SH3RF2: variants seen among roughly 807,000 people sequenced by gnomAD.
The protein encoded by SH3RF2 is SH3 domain containing ring finger 2, also known as E3 ubiquitin-protein ligase SH3RF2.
A neutral mutation model predicts 59.0 loss-of-function variants in SH3RF2; 43 were observed. That is an observed-to-expected ratio of 0.73 (90% CI 0.57 to 0.94). The LOEUF (loss-of-function observed/expected upper bound fraction) is 0.94. Among genes scored for constraint, SH3RF2 ranks in the 40% least tolerant of loss-of-function variants. The pLI is 0.00. For synonymous variants in SH3RF2, 391 were observed against 391.5 expected, an observed-to-expected ratio of 1.00 and a Z score of 0.01; for missense variants, 930 against 940.1, an observed-to-expected ratio of 0.99 and a Z score of 0.14.
At chr5:146,052,043 C>G (rs545017516) in intron 7 of SH3RF2, among the ~76,000 whole-genome samples, 2 of 152,154 alleles carry the variant, frequency 1.3e-5, no homozygotes, top group East Asian at 3.9e-4. Flanking sequence ...GGATGCCTAC[C>G]CTAATTCATG....
At chr5:146,017,935 A>G (rs954557516) in intron 5 of SH3RF2, among the ~76,000 whole-genome samples, 4 of 151,952 alleles carry the variant, frequency 2.6e-5, no homozygotes. Context: ...AATGGATCCC[A>G]TTATTGAGTG....
intron 5 of SH3RF2, among the ~76,000 whole-genome samples, chr5:146,027,623 T>C (rs764723857): frequency 4.6e-5 from 7 of 152,206 alleles, no homozygotes; most frequent in Non-Finnish European, 1.0e-4. Context: ...GGTTCAATTA[T>C]GGGAGATGAA....
chr5:145,951,202 C>T (rs1014062064), intron 2 of SH3RF2, among the ~76,000 whole-genome samples: 2 of 152,192 alleles, frequency 1.3e-5, no homozygotes, highest in African/African-American at 4.8e-5. Flanking sequence ...ATCCACAGAG[C>T]AACACTTGTT....
At chr5:145,941,986 CG>C (rs1757833941) in intron 2 of SH3RF2, among the ~76,000 whole-genome samples, 1 of 152,164 alleles carries the variant, frequency 6.6e-6, no homozygotes, top group Admixed American at 6.5e-5. Context: ...CATCCAGAGA[CG>C]GTCCTTGGTA....
chr5:146,060,319 C>A, intron 9 of SH3RF2, 95 bp downstream of exon 9: 1 of 1,223,594 alleles, frequency 8.2e-7, no homozygotes, highest in African/African-American at 1.5e-5. Flanking sequence ...GAACAAGGAA[C>A]CAAAATTGCA....
chr5:145,958,324 T>G (rs1235514621), intron 2 of SH3RF2, among the ~76,000 whole-genome samples: 1 of 152,118 alleles, frequency 6.6e-6, no homozygotes, highest in African/African-American at 2.4e-5. Context: ...ACCACCTCCC[T>G]GAATGGCCCC....
At chr5:145,961,604 G>A (rs1003222793) in intron 2 of SH3RF2, among the ~76,000 whole-genome samples, 1 of 152,176 alleles carries the variant, frequency 6.6e-6, no homozygotes, top group Non-Finnish European at 1.5e-5. Flanking sequence ...ACCTGGCCAT[G>A]TTCTATAACC....
intron 7 of SH3RF2, among the ~76,000 whole-genome samples, chr5:146,054,821 G>A (rs1762614755): frequency 2.0e-5 from 3 of 152,198 alleles, no homozygotes; most frequent in Admixed American, 2.0e-4. Context: ...AAACTTGGAG[G>A]CATTGGTAAG....
At chr5:146,002,469 A>AAAGGAAGGAAGGAAGGAAGGAAGGAAGG (rs368645230) in intron 3 of SH3RF2, among the ~76,000 whole-genome samples, 3 of 97,526 alleles carry the variant, frequency 3.1e-5, no homozygotes, top group African/African-American at 4.2e-5. Context: ...AAAAGAAAGA[A>AAAGGAAGGAAGGAAGGAAGGAAGGAAGG]AAGGAAGGAA....
At chr5:146,050,737 T>A (rs1290277168) in intron 7 of SH3RF2, among the ~76,000 whole-genome samples, 3 of 152,188 alleles carry the variant, frequency 2.0e-5, no homozygotes, top group Non-Finnish European at 4.4e-5. Flanking sequence ...AAAACCAAGA[T>A]ATTTAAGTAA....
chr5:145,944,337 CTTT>C (rs59087828), intron 2 of SH3RF2, among the ~76,000 whole-genome samples: 4,939 of 141,044 alleles, frequency 0.035, 251 homozygotes, highest in African/African-American at 0.12. Context: ...TTTCTTTTCC[CTTT>C]TTTTTTTTTT....
intron 6 of SH3RF2, 40 bp from the exon 7 acceptor site, chr5:146,049,035 G>A (rs761905213): frequency 1.7e-5 from 27 of 1,611,856 alleles, no homozygotes; most frequent in Admixed American, 6.7e-5. Flanking sequence ...CATCAGGCAC[G>A]TCTTCCTTCC....
In SH3RF2 at chr5:146,049,182, GC is replaced by G; in HGVS notation, c.1260del (p.Val421SerfsTer71). Reference protein sequence around the residue: ...LGKCQDGWLRGVSLVTGRVGI... With the variant: ...LGKCQDGWLRXVSLVTGRVGI... ...AAGTGCCAGGACGGCTGGCTCAGGG[GC>G]GTCTCCTTGGTCACCGGGCGAGTCG... is the stretch of plus-strand genomic sequence containing the variant. On this transcript the variant is annotated frameshift_variant, in exon 7 of 10. Transcript: ENST00000359120. LOFTEE classifies it high-confidence loss of function. 1 of 1,614,092 alleles carries G rather than the reference GC, an allele frequency of 6.2e-7. No homozygotes were observed. The highest frequency in any genetic ancestry group is 8.5e-7 in the Non-Finnish European group (1 of 1,180,006).
intron 2 of SH3RF2, among the ~76,000 whole-genome samples, chr5:145,989,092 C>A (rs79684480): frequency 5.3e-5 from 8 of 152,144 alleles, no homozygotes; most frequent in African/African-American, 1.9e-4. Flanking sequence ...TCCCAAGACA[C>A]GTGGGCTCTT....
chr5:146,074,650 T>C (rs1014371655), intron 9 of SH3RF2, among the ~76,000 whole-genome samples: 1 of 152,042 alleles, frequency 6.6e-6, no homozygotes, highest in Non-Finnish European at 1.5e-5. Flanking sequence ...ACATGAAACA[T>C]AAAATATAAT....
intron 2 of SH3RF2, among the ~76,000 whole-genome samples, chr5:145,957,555 G>A (rs1203015440): frequency 5.3e-5 from 8 of 152,064 alleles, no homozygotes; most frequent in Non-Finnish European, 1.2e-4. Context: ...ATGTGAGGTG[G>A]GTACTATTAT....
At chr5:146,068,024 C>T (rs1763144853), downstream of SH3RF2, among the ~76,000 whole-genome samples, 1 of 152,228 alleles carries the variant, frequency 6.6e-6, no homozygotes, top group Admixed American at 6.5e-5. Context: ...CTCATCCCAG[C>T]CCGCTCCTGA....
chr5:146,070,453 A>G (rs867594828), intron 9 of SH3RF2, among the ~76,000 whole-genome samples: 1 of 152,136 alleles, frequency 6.6e-6, no homozygotes, highest in African/African-American at 2.4e-5. Flanking sequence ...AAGCAAATCT[A>G]CCCCTGCTCC....
At chr5:146,049,422 T>C (rs1185554088) in intron 7 of SH3RF2, among the ~76,000 whole-genome samples, 177 bp downstream of exon 7, 1 of 152,198 alleles carries the variant, frequency 6.6e-6, no homozygotes, top group African/African-American at 2.4e-5. Context: ...AGTTATCTTT[T>C]TCGTAGCCCT....
Sources: gnomAD v4.1 joint callset for allele counts (sites outside exome capture counted in the v4.1 genomes callset) on GRCh38, gnomAD v4.1.1 for gene constraint, MANE v1.5 for transcripts, NCBI Gene and HGNC (gene_info 2026-07-23, HGNC 2026-07-21) for gene names.